The following LRP2 variants were observed in gnomAD, a reference collection of about 807,000 sequenced individuals.
LRP2 encodes the protein low-density lipoprotein receptor-related protein 2.
LRP2 carries 172 observed loss-of-function variants against 531.0 expected under a neutral mutation model. That is an observed-to-expected ratio of 0.32 (90% CI 0.29 to 0.37). LRP2 has a LOEUF of 0.37. Among genes scored for constraint, LRP2 ranks in the 10% least tolerant of loss-of-function variants. The pLI, the probability that LRP2 is intolerant of heterozygous loss-of-function variation, is 1.00. For missense variants in LRP2, 5,167 were observed against 5,868.3 expected (o/e 0.88, Z 3.90); for synonymous variants, 1,992 against 2,027.6 (o/e 0.98, Z 0.47).
Position 169,335,909 on chromosome 2 carries a change from G to A in LRP2, c.80-15025C>T, listed in dbSNP as rs831028. On this transcript the variant is annotated intron_variant, in intron 1 of 78. Transcript: ENST00000649046. Reference sequence around the variant, plus strand: ...ATGCACCTGTAGTCCCAGCTACTTGGGAGGCTGAGCTGGGAGAATCTCCTG... The same window carrying A: ...ATGCACCTGTAGTCCCAGCTACTTGAGAGGCTGAGCTGGGAGAATCTCCTG... 4.8e-3 allele frequency among the ~76,000 whole-genome samples: 722 copies of A among 151,922 alleles called. 5 individuals carry two copies. The highest frequency in any genetic ancestry group is 7.6e-3 in the Non-Finnish European group (516 of 67,938).
intron 21 of LRP2, among the ~76,000 whole-genome samples, 178 bp from the exon 22 acceptor site, chr2:169,245,110 T>C (rs1689956518): frequency 6.6e-6 from 1 of 152,202 alleles, no homozygotes; most frequent in South Asian, 2.1e-4. Flanking sequence ...ATTTATTTGG[T>C]ATTTATCATA....
At chr2:169,326,220 T>A (rs1685054019) in intron 1 of LRP2, among the ~76,000 whole-genome samples, 1 of 84,602 alleles carries the variant, frequency 1.2e-5, no homozygotes, top group African/African-American at 5.0e-5. Context: ...CCTCTCCCTC[T>A]CGGTCTCCCT....
At chr2:169,267,158 G>A (rs560864875) in intron 16 of LRP2, among the ~76,000 whole-genome samples, 9 of 151,828 alleles carry the variant, frequency 5.9e-5, no homozygotes, top group African/African-American at 1.7e-4. Flanking sequence ...CAAAAATAAC[G>A]TGTTTCTAAA....
At chr2:169,329,887 A>G (rs1685219636) in intron 1 of LRP2, among the ~76,000 whole-genome samples, 1 of 152,242 alleles carries the variant, frequency 6.6e-6, no homozygotes, top group South Asian at 2.1e-4. Context: ...CAGGCTACAC[A>G]GCAGCAGGTG....
intron 4 of LRP2, among the ~76,000 whole-genome samples, chr2:169,298,698 C>G (rs542184587): frequency 3.9e-5 from 6 of 152,074 alleles, no homozygotes; most frequent in African/African-American, 7.2e-5. Flanking sequence ...TAGTTTCCCA[C>G]AACTTATGGC....
intron 78 of LRP2, 51 bp from the exon 79 acceptor site, chr2:169,128,881 A>T: frequency 4.4e-6 from 7 of 1,605,654 alleles, no homozygotes; most frequent in Non-Finnish European, 6.0e-6. Context: ...CAAGGTCACC[A>T]TACACGGTTT....
chr2:169,231,667 C>T (rs906567392), intron 31 of LRP2, 47 bp downstream of exon 31: 1 of 1,612,300 alleles, frequency 6.2e-7, no homozygotes, highest in African/African-American at 1.3e-5. Flanking sequence ...TTGGCACAAA[C>T]TATGACCAGC....
intron 31 of LRP2, among the ~76,000 whole-genome samples, chr2:169,226,823 C>A (rs774609139): frequency 1.3e-5 from 2 of 152,124 alleles, no homozygotes; most frequent in Non-Finnish European, 2.9e-5. Context: ...TTTTTCAAGG[C>A]AGGTTGGTAT....
At chr2:169,235,755 A>G in intron 29 of LRP2, 85 bp downstream of exon 29, 1 of 1,064,034 alleles carries the variant, frequency 9.4e-7, no homozygotes, top group Non-Finnish European at 1.4e-6. Flanking sequence ...CACAAAAATT[A>G]ATTTCTTAGC....
At chr2:169,166,408 C>T (rs1686785764) in intron 61 of LRP2, among the ~76,000 whole-genome samples, 1 of 152,094 alleles carries the variant, frequency 6.6e-6, no homozygotes, top group Non-Finnish European at 1.5e-5. Flanking sequence ...CCCATAGATT[C>T]TGAGTCAGAG....
Position 169,235,979 on chromosome 2 carries a change from T to C in LRP2, c.4781A>G (p.Gln1594Arg), listed in dbSNP as rs1223432344. The change falls in exon 29 of 79, where the codon CAG becomes CGG. Residue 1594 changes from glutamine to arginine, a missense_variant. Coordinates refer to ENST00000649046, the MANE Select transcript of LRP2 (RefSeq NM_004525.3). ...GCCGCAGGGCCAGAAGATCTTGTCC[T>C]GGACAATGACAGTGCGCATGCTGCC... Reference protein sequence around the residue: ...MDGSMRTVIVQDKIFWPCGLT... With the variant: ...MDGSMRTVIVRDKIFWPCGLT... 12 of 1,614,234 alleles carry C rather than the reference T, an allele frequency of 7.4e-6. No individual in the cohort carries two copies. Among genetic ancestry groups the C allele is most frequent in the Admixed American group, 1.7e-5 (1 of 60,036 alleles).
intron 2 of LRP2, among the ~76,000 whole-genome samples, chr2:169,319,143 C>T (rs1424417877): frequency 6.6e-6 from 1 of 152,096 alleles, no homozygotes; most frequent in African/African-American, 2.4e-5. Context: ...CACACATACA[C>T]ACAAAAAAAT....
At chr2:169,282,768 G>C in intron 10 of LRP2, 105 bp downstream of exon 10, 1 of 1,293,606 alleles carries the variant, frequency 7.7e-7, no homozygotes, top group Non-Finnish European at 1.1e-6. Flanking sequence ...ATAAAGCCCT[G>C]CCAACAACAA....
intron 63 of LRP2, among the ~76,000 whole-genome samples, chr2:169,160,951 A>G (rs1015100490): frequency 6.6e-6 from 1 of 152,206 alleles, no homozygotes; most frequent in Non-Finnish European, 1.5e-5. Context: ...CACGCAGGAG[A>G]AAAATTGATA....
At chr2:169,176,347 C>CT in intron 54 of LRP2, 64 bp downstream of exon 54, 4 of 1,598,830 alleles carry the variant, frequency 2.5e-6, no homozygotes, top group Non-Finnish European at 3.4e-6. Context: ...CCCTTGGAGC[C>CT]TTGAAGGTCA....
intron 52 of LRP2, among the ~76,000 whole-genome samples, chr2:169,178,823 G>A (rs557272160): frequency 6.6e-6 from 1 of 152,098 alleles, no homozygotes; most frequent in Non-Finnish European, 1.5e-5. Flanking sequence ...GATAGAACAA[G>A]CTAGCAACTA....
At chr2:169,207,532 G>C (rs920615153) in intron 38 of LRP2, among the ~76,000 whole-genome samples, 1 of 152,144 alleles carries the variant, frequency 6.6e-6, no homozygotes, top group African/African-American at 2.4e-5. Flanking sequence ...CTACTGAAAG[G>C]TATATTTTCC....
At position 169,201,697 on chromosome 2, in the gene LRP2, G is replaced by A. The variant is rs777902733; in HGVS notation, c.8383C>T (p.Pro2795Ser). 1.2e-6 allele frequency: 2 copies of A among 1,614,120 alleles called. No homozygotes were observed. Among genetic ancestry groups the A allele is most frequent in the Admixed American group, 3.3e-5 (2 of 60,016 alleles). The change falls in exon 44 of 79, where the codon CCT becomes TCT. Residue 2795 changes from proline to serine, a missense_variant. Pro to Ser is a moderately conservative substitution (Grantham distance 74, BLOSUM62 -1). This residue lies in a region of LRP2 where 1,129 missense variants were observed against 1,362.7 expected (regional missense o/e 0.83). Transcript: ENST00000649046. ...EFMCNNRRCI[P>S]REFICNGVDN... ...ACACCATTGCAGATAAACTCACGAG[G>A]TATGCACCTTCTGTTATTGCACATA...
intron 46 of LRP2, among the ~76,000 whole-genome samples, 191 bp from the exon 47 acceptor site, chr2:169,194,083 A>G (rs1282374972): frequency 6.6e-6 from 1 of 152,242 alleles, no homozygotes; most frequent in East Asian, 1.9e-4. Context: ...TAGTCAACTG[A>G]CAGTGCAAAG....
Sources: allele counts gnomAD v4.1 joint callset (sites outside exome capture counted in the v4.1 genomes callset), GRCh38; gene constraint gnomAD v4.1.1; regional missense constraint gnomAD v4.1.1; transcripts MANE v1.5; gene names NCBI Gene and HGNC (gene_info 2026-07-23, HGNC 2026-07-21).